PTBP3: variants seen among roughly 807,000 people sequenced by gnomAD.
PTBP3 encodes polypyrimidine tract binding protein 3.
PTBP3 carries 20 observed loss-of-function variants against 58.7 expected under a neutral mutation model. The ratio of observed to expected loss-of-function variants is 0.34; its 90% CI spans 0.24 to 0.50. PTBP3 has a LOEUF of 0.50. PTBP3 is among the 20% of genes least tolerant of loss of function. The pLI is 0.98. For missense variants in PTBP3, 509 were observed against 637.2 expected, an observed-to-expected ratio of 0.80 and a Z score of 2.17; for synonymous variants, 185 against 219.8, an observed-to-expected ratio of 0.84 and a Z score of 1.40.
At chr9:112,332,077 TAA>T (rs983732975) in intron 1 of PTBP3, among the ~76,000 whole-genome samples, 5 of 152,188 alleles carry the variant, frequency 3.3e-5, no homozygotes, top group African/African-American at 1.2e-4. Context: ...TAATGTGAAA[TAA>T]GTTTTCAACA....
At chr9:112,244,234 G>C (rs992582054) in intron 7 of PTBP3, among the ~76,000 whole-genome samples, 2 of 125,094 alleles carry the variant, frequency 1.6e-5, no homozygotes, top group African/African-American at 3.1e-5. Flanking sequence ...AGGTTATAGT[G>C]AGCCGAGATC....
chr9:112,289,504 G>A (rs985906086), intron 2 of PTBP3, among the ~76,000 whole-genome samples: 1 of 152,212 alleles, frequency 6.6e-6, no homozygotes, highest in Non-Finnish European at 1.5e-5. Context: ...CAGGGGGCCA[G>A]GCGCCGTGGC....
At chr9:112,352,804 T>C in the PTBP3 span, among the ~76,000 whole-genome samples, 1 of 152,320 alleles carries the variant, frequency 6.6e-6, no homozygotes, top group Admixed American at 6.5e-5. Context: ...AGTTTGACTA[T>C]AGTTGAAATT....
At chr9:112,266,057 T>C (rs1836786895) in intron 4 of PTBP3, among the ~76,000 whole-genome samples, 1 of 152,086 alleles carries the variant, frequency 6.6e-6, no homozygotes, top group Non-Finnish European at 1.5e-5. Context: ...TATTTAAAAA[T>C]TCATAGAGAC....
chr9:112,375,845 A>G, the PTBP3 span, among the ~76,000 whole-genome samples: 15 of 152,154 alleles, frequency 9.9e-5, no homozygotes, highest in African/African-American at 3.6e-4. Context: ...TCAAACGTTC[A>G]GTTTCCACCA....
chr9:112,233,812 T>G (rs1186882901), intron 8 of PTBP3, among the ~76,000 whole-genome samples: 1 of 152,026 alleles, frequency 6.6e-6, no homozygotes, highest in Non-Finnish European at 1.5e-5. Flanking sequence ...GCACTTCTAG[T>G]CCCAGCTACT....
upstream of PTBP3, among the ~76,000 whole-genome samples, chr9:112,333,980 C>T (rs952987344): frequency 8.6e-5 from 13 of 151,624 alleles, no homozygotes; most frequent in East Asian, 2.5e-3. Context: ...CTTCGCAGAC[C>T]GGGCCTGCCA....
the PTBP3 span, among the ~76,000 whole-genome samples, chr9:112,352,910 T>C: frequency 1.3e-5 from 2 of 152,014 alleles, no homozygotes; most frequent in Admixed American, 1.3e-4. Context: ...TTTTTTTCTT[T>C]TTTTTTTTGA....
intron 1 of PTBP3, among the ~76,000 whole-genome samples, chr9:112,316,253 C>T (rs902836710): frequency 6.6e-6 from 1 of 152,158 alleles, no homozygotes; most frequent in African/African-American, 2.4e-5. Context: ...CCTAGAGACT[C>T]GCTTCTACTG....
At chr9:112,225,743 G>A (rs1017017450) in intron 12 of PTBP3, among the ~76,000 whole-genome samples, 8 of 152,086 alleles carry the variant, frequency 5.3e-5, no homozygotes, top group African/African-American at 1.4e-4. Context: ...CAGCTCCTGC[G>A]TGATGTGGTA....
chr9:112,320,314 A>ATATATATATATATATTTTTT, intron 1 of PTBP3, among the ~76,000 whole-genome samples: 101 of 75,632 alleles, frequency 1.3e-3, no homozygotes, highest in Non-Finnish European at 1.6e-3. Flanking sequence ...ATATATATAT[A>ATATATATATATATATTTTTT]TTTTTTTTTA....
intron 7 of PTBP3, among the ~76,000 whole-genome samples, chr9:112,247,093 G>A (rs1589819167): frequency 6.6e-6 from 1 of 151,916 alleles, no homozygotes; most frequent in African/African-American, 2.4e-5. Context: ...AATTAGCCGG[G>A]TATGATGGTG....
At position 112,233,964 on chromosome 9, in the gene PTBP3, T is replaced by C. The variant is rs1260614944; in HGVS notation, c.880+856A>G. ...CAACAAAAAAAAGAGAGAGAGAGAG[T>C]AGTTAAAATTCCCAGAATTCAAAGG... On this transcript the variant is annotated intron_variant, in intron 8 of 13. Transcript: ENST00000374257. 2.7e-5 allele frequency among the ~76,000 whole-genome samples: 4 copies of C among 146,092 alleles called. No homozygotes were observed. In the Admixed American group the frequency reaches 2.8e-4, roughly 10 times the overall value.
intron 12 of PTBP3, among the ~76,000 whole-genome samples, chr9:112,226,962 G>A (rs1016011004): frequency 2.6e-5 from 4 of 152,116 alleles, no homozygotes; most frequent in Admixed American, 6.6e-5. Context: ...GGAAAATAAC[G>A]TTTAGCTTTT....
At chr9:112,268,727 A>T (rs56325238) in intron 3 of PTBP3, among the ~76,000 whole-genome samples, 2 of 143,864 alleles carry the variant, frequency 1.4e-5, no homozygotes, top group Non-Finnish European at 3.1e-5. Context: ...AAAAAAAAAA[A>T]AAAAAAAAGG....
At chr9:112,277,209 A>T (rs1330171145) in intron 2 of PTBP3, among the ~76,000 whole-genome samples, 1 of 152,182 alleles carries the variant, frequency 6.6e-6, no homozygotes, top group African/African-American at 2.4e-5. Flanking sequence ...CATGAATGCA[A>T]GCAGCATCCT....
the PTBP3 span, among the ~76,000 whole-genome samples, chr9:112,370,536 G>A: frequency 1.6e-4 from 25 of 151,900 alleles, no homozygotes; most frequent in African/African-American, 4.3e-4. Context: ...GTGAGACCCC[G>A]TTTCAATTAA....
At chr9:112,312,184 T>C (rs553342407) in intron 1 of PTBP3, among the ~76,000 whole-genome samples, 1 of 152,036 alleles carries the variant, frequency 6.6e-6, no homozygotes, top group Admixed American at 6.6e-5. Context: ...AACTTTACAA[T>C]GGAAAAGCCT....
At chr9:112,224,935 A>G (rs1378374258) in intron 12 of PTBP3, among the ~76,000 whole-genome samples, 1 of 152,148 alleles carries the variant, frequency 6.6e-6, no homozygotes, top group Non-Finnish European at 1.5e-5. Flanking sequence ...TGGATCCTCT[A>G]TCTCCAGTTA....
Sources: gnomAD v4.1 joint callset for allele counts (sites outside exome capture counted in the v4.1 genomes callset) on GRCh38, gnomAD v4.1.1 for gene constraint, MANE v1.5 for transcripts, NCBI Gene and HGNC (gene_info 2026-07-23, HGNC 2026-07-21) for gene names.